KDM4C: variants seen among roughly 807,000 people sequenced by gnomAD.
KDM4C encodes lysine-specific demethylase 4C.
A neutral mutation model predicts 129.3 loss-of-function variants in KDM4C; 81 were observed. The observed-to-expected ratio is 0.63, with a 90% CI of 0.52 to 0.75. The LOEUF (loss-of-function observed/expected upper bound fraction) is 0.75, where lower values mean the gene tolerates loss of function less well. Among genes scored for constraint, KDM4C ranks in the 30% least tolerant of loss-of-function variants. The probability of loss-of-function intolerance (pLI) is 0.00; values close to 1 mark genes in which losing one functional copy is unlikely to be tolerated. For missense variants in KDM4C, 1,457 were observed against 1,304.0 expected (o/e 1.12, Z -1.81); for synonymous variants, 573 against 456.1 (o/e 1.26, Z -3.26).
At chr9:7,053,310 G>A (rs1830461106) in intron 17 of KDM4C, among the ~76,000 whole-genome samples, 1 of 152,182 alleles carries the variant, frequency 6.6e-6, no homozygotes, top group African/African-American at 2.4e-5. Flanking sequence ...AAGCTCCTCT[G>A]GTAAATTATT....
chr9:6,824,781 C>T (rs180712118), intron 4 of KDM4C, among the ~76,000 whole-genome samples: 1 of 151,924 alleles, frequency 6.6e-6, no homozygotes, highest in Non-Finnish European at 1.5e-5. Context: ...GACTGTATTT[C>T]CCCAATTAAA....
At chr9:7,104,784 C>G (rs1352723590) in intron 18 of KDM4C, among the ~76,000 whole-genome samples, 1 of 152,238 alleles carries the variant, frequency 6.6e-6, no homozygotes, top group Admixed American at 6.5e-5. Flanking sequence ...TAACATGCTT[C>G]TCCTATGTCC....
At chr9:6,839,361 C>G (rs1236002486) in intron 4 of KDM4C, among the ~76,000 whole-genome samples, 1 of 150,354 alleles carries the variant, frequency 6.7e-6, no homozygotes, top group Non-Finnish European at 1.5e-5. Context: ...TTCCTAGTAG[C>G]TGGGACTACA....
intron 21 of KDM4C, among the ~76,000 whole-genome samples, chr9:7,171,115 A>G (rs1478568692): frequency 3.3e-5 from 5 of 152,160 alleles, no homozygotes; most frequent in African/African-American, 1.2e-4. Flanking sequence ...GAGTAACTGC[A>G]TCAGGTGGGA....
intron 1 of KDM4C, among the ~76,000 whole-genome samples, chr9:6,748,468 T>C (rs1817955525): frequency 2.0e-5 from 3 of 150,546 alleles, no homozygotes. Flanking sequence ...GATTACGCCA[T>C]TGCACTCCAG....
chr9:6,962,228 C>G (rs995253871), intron 8 of KDM4C, among the ~76,000 whole-genome samples: 2 of 152,192 alleles, frequency 1.3e-5, no homozygotes, highest in African/African-American at 4.8e-5. Context: ...TGGATGAACA[C>G]ACAGCATACA....
intron 17 of KDM4C, among the ~76,000 whole-genome samples, chr9:7,089,777 T>TA (rs988272246): frequency 7.9e-5 from 12 of 152,156 alleles, no homozygotes; most frequent in South Asian, 2.1e-4. Flanking sequence ...AAATTAGACT[T>TA]AAAAAAACCC....
At chr9:6,728,285 C>G (rs975653582) in intron 1 of KDM4C, among the ~76,000 whole-genome samples, 2 of 152,144 alleles carry the variant, frequency 1.3e-5, no homozygotes, top group South Asian at 4.1e-4. Context: ...CCTGTAATCC[C>G]AGCACTTTGG....
intron 6 of KDM4C, among the ~76,000 whole-genome samples, chr9:6,882,770 A>ATTTG: frequency 9.3e-6 from 1 of 107,392 alleles, no homozygotes; most frequent in African/African-American, 3.8e-5. Context: ...GCTTTTAAGC[A>ATTTG]TTTGTGTGTG....
chr9:6,764,931 ATTT>A (rs1343863399), intron 1 of KDM4C, among the ~76,000 whole-genome samples: 7 of 152,072 alleles, frequency 4.6e-5, no homozygotes, highest in Non-Finnish European at 7.4e-5. Flanking sequence ...TTGCTCACTC[ATTT>A]CATTATGAGT....
intron 8 of KDM4C, among the ~76,000 whole-genome samples, chr9:6,938,239 CAT>C (rs1369659825): frequency 6.6e-6 from 1 of 151,930 alleles, no homozygotes; most frequent in Non-Finnish European, 1.5e-5. Context: ...GAACATAAAA[CAT>C]ATTTATATGT....
intron 4 of KDM4C, among the ~76,000 whole-genome samples, chr9:6,822,765 A>G (rs1833249165): frequency 2.0e-5 from 3 of 152,258 alleles, no homozygotes; most frequent in African/African-American, 7.2e-5. Context: ...CTGAGAGAAA[A>G]TAAGATTTGG....
At position 7,049,207 on chromosome 9, in the gene KDM4C, G is replaced by C; in HGVS notation, c.2424+7G>C. Reference sequence around the variant, plus strand: ...TTTACAGAGGTTAAAATTGGTGAGTGGCAAAGCTTCTTTTTTACCTCATAA... The same window carrying C: ...TTTACAGAGGTTAAAATTGGTGAGTCGCAAAGCTTCTTTTTTACCTCATAA... On this transcript the variant is annotated splice_region_variant and intron_variant, in intron 17 of 21. Coordinates refer to ENST00000381309, the MANE Select transcript of KDM4C (RefSeq NM_015061.6). 1 of 1,477,628 alleles carries C rather than the reference G, an allele frequency of 6.8e-7. No homozygotes were observed. Among genetic ancestry groups the C allele is most frequent in the Non-Finnish European group, 9.4e-7 (1 of 1,063,868 alleles). The allele number at this position is 1,477,628 out of a possible 1,614,324, so 91.5% of individuals were successfully genotyped here.
intron 15 of KDM4C, among the ~76,000 whole-genome samples, chr9:7,017,039 G>GAT (rs1310825988): frequency 6.6e-6 from 1 of 151,444 alleles, no homozygotes; most frequent in African/African-American, 2.4e-5. Flanking sequence ...GGGCTCAAGT[G>GAT]ATCTTCCCAC....
chr9:7,009,639 C>T (rs1462934991), intron 12 of KDM4C, among the ~76,000 whole-genome samples: 1 of 152,194 alleles, frequency 6.6e-6, no homozygotes, highest in African/African-American at 2.4e-5. Flanking sequence ...ACTTTCGTAT[C>T]ACCGTTACAA....
intron 1 of KDM4C, among the ~76,000 whole-genome samples, chr9:6,789,049 T>G (rs1826014989): frequency 6.6e-6 from 1 of 150,752 alleles, no homozygotes; most frequent in African/African-American, 2.4e-5. Context: ...GATTTTTGTT[T>G]TTTTTTTTTT....
chr9:6,877,951 G>GTC (rs771736359), intron 5 of KDM4C, among the ~76,000 whole-genome samples: 4 of 152,190 alleles, frequency 2.6e-5, no homozygotes, highest in Non-Finnish European at 5.9e-5. Context: ...ACATAGCTTT[G>GTC]TCATTATTTA....
intron 8 of KDM4C, among the ~76,000 whole-genome samples, chr9:6,899,526 G>A (rs980746111): frequency 1.4e-5 from 2 of 138,798 alleles, no homozygotes; most frequent in African/African-American, 2.6e-5. Context: ...TGAGTCCTCT[G>A]TGCCTTTTCC....
At chr9:6,880,600 A>G (rs1844289847) in intron 6 of KDM4C, among the ~76,000 whole-genome samples, 3 of 152,154 alleles carry the variant, frequency 2.0e-5, no homozygotes, top group Non-Finnish European at 4.4e-5. Flanking sequence ...AACAATACAC[A>G]TGAGATTTTG....
Sources: allele counts gnomAD v4.1 joint callset (sites outside exome capture counted in the v4.1 genomes callset), GRCh38; gene constraint gnomAD v4.1.1; transcripts MANE v1.5; gene names NCBI Gene and HGNC (gene_info 2026-07-23, HGNC 2026-07-21).